SLC24A3: variants seen among roughly 807,000 people sequenced by gnomAD.
SLC24A3 encodes sodium/potassium/calcium exchanger 3.
A neutral mutation model predicts 75.8 loss-of-function variants in SLC24A3; 28 were observed. The observed-to-expected ratio is 0.37, with a 90% CI of 0.27 to 0.51. The LOEUF is 0.51. SLC24A3 is among the 20% of genes least tolerant of loss of function. The pLI, the probability that SLC24A3 is intolerant of heterozygous loss-of-function variation, is 0.94. For synonymous variants in SLC24A3, 372 were observed against 334.1 expected, an observed-to-expected ratio of 1.11 and a Z score of -1.24; for missense variants, 663 against 847.8, an observed-to-expected ratio of 0.78 and a Z score of 2.71.
At chr20:19,572,912 A>C (rs2122623923) in intron 3 of SLC24A3, among the ~76,000 whole-genome samples, 1 of 152,330 alleles carries the variant, frequency 6.6e-6, no homozygotes, top group African/African-American at 2.4e-5. Flanking sequence ...TTTATATTCC[A>C]AGCTTAATTA....
At chr20:19,440,372 A>G (rs1375600814) in intron 2 of SLC24A3, among the ~76,000 whole-genome samples, 1 of 152,222 alleles carries the variant, frequency 6.6e-6, no homozygotes, top group Non-Finnish European at 1.5e-5. Flanking sequence ...GGGAGAGAGA[A>G]TGGGACAAGT....
chr20:19,353,357 A>T lies in SLC24A3; in HGVS notation c.271+72270A>T, dbSNP rs564158885. On this transcript the variant is annotated intron_variant, in intron 2 of 16. Coordinates refer to ENST00000328041, the MANE Select transcript of SLC24A3 (RefSeq NM_020689.4). ...AGGGGGAAGCTGAAGATTTGATATG[A>T]AAGGAGAGACAGTTTAATCATAGCT... is the stretch of plus-strand genomic sequence containing the variant. 3.3e-5 allele frequency among the ~76,000 whole-genome samples: 5 copies of T among 152,296 alleles called. No homozygotes were observed. In the South Asian group the frequency reaches 1.0e-3, roughly 32 times the overall value.
At chr20:19,240,241 G>A (rs1982291352) in intron 1 of SLC24A3, among the ~76,000 whole-genome samples, 1 of 152,178 alleles carries the variant, frequency 6.6e-6, no homozygotes, top group Non-Finnish European at 1.5e-5. Context: ...ATCTAACTGT[G>A]TCTGAAACTA....
At chr20:19,540,364 A>T (rs1334345375) in intron 3 of SLC24A3, among the ~76,000 whole-genome samples, 1 of 152,194 alleles carries the variant, frequency 6.6e-6, no homozygotes, top group Non-Finnish European at 1.5e-5. Flanking sequence ...TCCTCGAGAG[A>T]GACCTGCTCT....
At chr20:19,575,052 C>A (rs917756859) in intron 3 of SLC24A3, among the ~76,000 whole-genome samples, 1 of 151,808 alleles carries the variant, frequency 6.6e-6, no homozygotes, top group African/African-American at 2.4e-5. Flanking sequence ...GAGTTTGAGA[C>A]CAGCCTGGGC....
intron 2 of SLC24A3, among the ~76,000 whole-genome samples, chr20:19,507,505 G>A (rs1200387516): frequency 6.6e-6 from 1 of 152,228 alleles, no homozygotes; most frequent in African/African-American, 2.4e-5. Flanking sequence ...GTCACTCAGG[G>A]ATCCAGGCTG....
chr20:19,308,955 G>A (rs913305315), intron 2 of SLC24A3, among the ~76,000 whole-genome samples: 11 of 152,166 alleles, frequency 7.2e-5, no homozygotes, highest in Admixed American at 4.6e-4. Flanking sequence ...AATTTAATAC[G>A]TTCTTGTCTG....
intron 1 of SLC24A3, among the ~76,000 whole-genome samples, chr20:19,250,368 A>G (rs1037057748): frequency 1.3e-5 from 2 of 152,228 alleles, no homozygotes; most frequent in Admixed American, 1.3e-4. Context: ...TGGCATGCCA[A>G]ATGGGGCAGT....
chr20:19,659,894 C>T (rs2032307356), intron 7 of SLC24A3, among the ~76,000 whole-genome samples: 1 of 152,180 alleles, frequency 6.6e-6, no homozygotes, highest in Non-Finnish European at 1.5e-5. Flanking sequence ...GGAACAGCTC[C>T]AGCCACCCCC....
chr20:19,255,325 G>T (rs957577427), intron 1 of SLC24A3, among the ~76,000 whole-genome samples: 6 of 152,252 alleles, frequency 3.9e-5, no homozygotes, highest in Non-Finnish European at 8.8e-5. Flanking sequence ...GGATGGAGAG[G>T]TGCTCTCTTT....
intron 3 of SLC24A3, among the ~76,000 whole-genome samples, chr20:19,552,394 T>C (rs1284891378): frequency 6.6e-6 from 1 of 152,224 alleles, no homozygotes; most frequent in Non-Finnish European, 1.5e-5. Context: ...GACCAGCAAA[T>C]GCATTCTGCT....
chr20:19,465,632 T>A (rs1987752569), intron 2 of SLC24A3, among the ~76,000 whole-genome samples: 1 of 152,168 alleles, frequency 6.6e-6, no homozygotes, highest in Non-Finnish European at 1.5e-5. Context: ...AGTTATGTTA[T>A]CTCTGCAGAC....
intron 7 of SLC24A3, among the ~76,000 whole-genome samples, chr20:19,660,168 G>A (rs1163120961): frequency 1.3e-5 from 2 of 152,058 alleles, no homozygotes; most frequent in African/African-American, 2.4e-5. Context: ...TGAGGTACGT[G>A]TGGTTTTTGG....
At chr20:19,292,561 G>T (rs781551242) in intron 2 of SLC24A3, among the ~76,000 whole-genome samples, 3 of 152,140 alleles carry the variant, frequency 2.0e-5, no homozygotes, top group Non-Finnish European at 4.4e-5. Flanking sequence ...TTGTTGACTT[G>T]CCCTGGGTAA....
At chr20:19,686,907 C>T (rs906295316) in intron 12 of SLC24A3, among the ~76,000 whole-genome samples, 1 of 152,212 alleles carries the variant, frequency 6.6e-6, no homozygotes, top group Admixed American at 6.5e-5. Flanking sequence ...ATCCATTTTG[C>T]CACCATCAGA....
intron 15 of SLC24A3, among the ~76,000 whole-genome samples, chr20:19,699,539 A>G (rs1164614160): frequency 1.3e-5 from 2 of 152,222 alleles, no homozygotes; most frequent in African/African-American, 2.4e-5. Flanking sequence ...TATGTTCTCT[A>G]TATTCCTGGA....
At chr20:19,507,534 A>T (rs1237158496) in intron 2 of SLC24A3, among the ~76,000 whole-genome samples, 1 of 152,260 alleles carries the variant, frequency 6.6e-6, no homozygotes, top group East Asian at 1.9e-4. Flanking sequence ...TGCACATTGC[A>T]TCCTGATGTA....
intron 2 of SLC24A3, among the ~76,000 whole-genome samples, chr20:19,313,244 A>T (rs1258575153): frequency 6.6e-6 from 1 of 151,998 alleles, no homozygotes; most frequent in East Asian, 1.9e-4. Flanking sequence ...CATGTTGGCC[A>T]GGCTGGTCTT....
At chr20:19,251,162 C>G (rs902172373) in intron 1 of SLC24A3, among the ~76,000 whole-genome samples, 3 of 152,304 alleles carry the variant, frequency 2.0e-5, no homozygotes, top group East Asian at 1.9e-4. Context: ...CCAGCTCACC[C>G]TCTAAATGGA....
Sources: gnomAD v4.1 joint callset for allele counts (sites outside exome capture counted in the v4.1 genomes callset) on GRCh38, gnomAD v4.1.1 for gene constraint, MANE v1.5 for transcripts, NCBI Gene and HGNC (gene_info 2026-07-23, HGNC 2026-07-21) for gene names.